TMCC1: variants seen among roughly 807,000 people sequenced by gnomAD.
TMCC1 encodes transmembrane and coiled-coil domains protein 1.
Under a neutral mutation model 52.4 loss-of-function variants are expected in TMCC1, and 15 were observed. The observed-to-expected ratio is 0.29, with a 90% CI of 0.19 to 0.44. TMCC1 has a LOEUF of 0.44. Among genes scored for constraint, TMCC1 ranks in the 20% least tolerant of loss-of-function variants. The pLI, the probability that TMCC1 is intolerant of heterozygous loss-of-function variation, is 1.00. For synonymous variants in TMCC1, 279 were observed against 301.9 expected, an observed-to-expected ratio of 0.92 and a Z score of 0.79; for missense variants, 503 against 806.0, an observed-to-expected ratio of 0.62 and a Z score of 4.55.
At chr3:129,883,757 T>C (rs1211335083) in intron 1 of TMCC1, among the ~76,000 whole-genome samples, 1 of 152,126 alleles carries the variant, frequency 6.6e-6, no homozygotes, top group African/African-American at 2.4e-5. Flanking sequence ...GAGGGATCAA[T>C]CACTTGAGGC....
At chr3:129,818,388 C>A (rs544902087) in intron 4 of TMCC1, among the ~76,000 whole-genome samples, 1 of 151,360 alleles carries the variant, frequency 6.6e-6, no homozygotes, top group African/African-American at 2.4e-5. Flanking sequence ...TTTAAATTTT[C>A]TTTAAAAGTT....
intron 1 of TMCC1, among the ~76,000 whole-genome samples, chr3:129,883,732 A>G (rs956360382): frequency 4.6e-5 from 7 of 152,296 alleles, no homozygotes; most frequent in African/African-American, 1.2e-4. Context: ...TAATCCCAAC[A>G]CTTTGGGAAG....
intron 4 of TMCC1, 78 bp downstream of exon 4, chr3:129,827,725 G>A: frequency 7.4e-6 from 11 of 1,494,094 alleles, no homozygotes; most frequent in Non-Finnish European, 9.9e-6. Context: ...TATCTTTTTA[G>A]TTACCAAAGG....
At chr3:129,815,396 A>G (rs2058047442) in intron 4 of TMCC1, among the ~76,000 whole-genome samples, 1 of 152,170 alleles carries the variant, frequency 6.6e-6, no homozygotes, top group African/African-American at 2.4e-5. Context: ...GTACTGGCAT[A>G]AAAACACACA....
chr3:129,863,339 T>C (rs2060478918), intron 2 of TMCC1, among the ~76,000 whole-genome samples: 1 of 152,232 alleles, frequency 6.6e-6, no homozygotes, highest in South Asian at 2.1e-4. Context: ...AATAAGATTT[T>C]GTTTTCTTTT....
In TMCC1 at chr3:129,686,937, GA is replaced by G. The variant is rs1433950749; in HGVS notation, c.577-15674del. Among the ~76,000 whole-genome samples the G allele has an allele frequency of 3.3e-5, 5 of 152,142 alleles. No individual in the cohort carries two copies. In the East Asian group the frequency reaches 9.6e-4, roughly 29 times the overall value. On this transcript the variant is annotated intron_variant, in intron 4 of 6. Coordinates refer to ENST00000393238, the MANE Select transcript of TMCC1 (RefSeq NM_001017395.5). ...TAATTGAGATGAAAACAGAGTTAAA[GA>G]AAGTAGCAATTCAAAAAGAGAAAAA...
intron 2 of TMCC1, among the ~76,000 whole-genome samples, chr3:129,839,497 A>G (rs886192976): frequency 6.6e-6 from 1 of 152,166 alleles, no homozygotes; most frequent in Non-Finnish European, 1.5e-5. Flanking sequence ...GCGCATGCCT[A>G]TAGTCCCAGC....
chr3:129,771,236 T>C (rs1018534055), intron 4 of TMCC1, among the ~76,000 whole-genome samples: 2 of 152,148 alleles, frequency 1.3e-5, no homozygotes, highest in African/African-American at 4.8e-5. Context: ...AAAATGATCC[T>C]GGCTTAAAGG....
chr3:129,654,984 C>T lies in TMCC1; in HGVS notation c.1631G>A (p.Arg544Gln). The T allele has an allele frequency of 1.2e-6, 2 of 1,614,024 alleles. No individual in the cohort carries two copies. Among genetic ancestry groups the T allele is most frequent in the Non-Finnish European group, 1.7e-6 (2 of 1,180,006 alleles). The change falls in exon 6 of 7, where the codon CGG (arginine) becomes CAG (glutamine). Residue 544 changes from arginine to glutamine, a missense_variant. Around this residue, in one of 7 missense-constraint regions of TMCC1, gnomAD observed 121 missense variants for 193.6 expected, o/e 0.62. Coordinates refer to ENST00000393238, the MANE Select transcript of TMCC1 (RefSeq NM_001017395.5). ...CATACTAACCTGGATGTCCCGGGCC[C>T]GTTCATAGGACTGATACGCGATTTT... is the stretch of plus-strand genomic sequence containing the variant. The part of the protein sequence containing the change: ...EEKIAYQSYE[R>Q]ARDIQEALEA...
intron 2 of TMCC1, among the ~76,000 whole-genome samples, chr3:129,859,651 TACACAC>T (rs59213877): frequency 0.07 from 10,465 of 148,682 alleles, 395 homozygotes; most frequent in Middle Eastern, 0.14. Flanking sequence ...CACACACACA[TACACAC>T]ACACACACAC....
intron 4 of TMCC1, among the ~76,000 whole-genome samples, chr3:129,801,365 T>C (rs1441184734): frequency 1.3e-5 from 2 of 152,162 alleles, no homozygotes; most frequent in African/African-American, 4.8e-5. Context: ...CACAGTACTC[T>C]ACAGTATAAA....
chr3:129,745,630 T>A (rs1275688957), intron 4 of TMCC1, among the ~76,000 whole-genome samples: 1 of 152,128 alleles, frequency 6.6e-6, no homozygotes, highest in Admixed American at 6.5e-5. Context: ...GAGAGAAGCC[T>A]TTAAATAGAC....
chr3:129,767,402 T>C (rs1005171233), intron 4 of TMCC1, among the ~76,000 whole-genome samples: 5 of 152,080 alleles, frequency 3.3e-5, no homozygotes, highest in Non-Finnish European at 7.4e-5. Flanking sequence ...GGAGACGGTA[T>C]TGCTCTGTTG....
chr3:129,659,097 T>TC (rs199628052), intron 5 of TMCC1, among the ~76,000 whole-genome samples: 185 of 145,446 alleles, frequency 1.3e-3, no homozygotes, highest in African/African-American at 3.8e-3. Flanking sequence ...TTTCTTTCTT[T>TC]TTTTTTTTTT....
intron 2 of TMCC1, among the ~76,000 whole-genome samples, chr3:129,868,019 T>C (rs528623098): frequency 2.0e-5 from 3 of 152,218 alleles, no homozygotes; most frequent in South Asian, 2.1e-4. Context: ...ATACTTCCCA[T>C]AGATGTTCTA....
chr3:129,751,664 G>A (rs145458730), intron 4 of TMCC1, among the ~76,000 whole-genome samples: 1,860 of 152,078 alleles, frequency 0.012, 29 homozygotes, highest in African/African-American at 0.043. Flanking sequence ...GTGTTCAAGT[G>A]ATTGTCCTGC....
In TMCC1 at chr3:129,673,291, A is replaced by G. The variant is rs537488163; in HGVS notation, c.577-2027T>C. 2.9e-4 allele frequency among the ~76,000 whole-genome samples: 44 copies of G among 152,272 alleles called. 1 individual carries two copies. In the South Asian group the frequency reaches 9.1e-3, roughly 32 times the overall value. ...CAAGAGTTGCAACAAGAGCTCCTGGAAATCCACTTTATTCAGTGCCCAATG... is the reference window on the plus strand; with the variant it reads ...CAAGAGTTGCAACAAGAGCTCCTGGGAATCCACTTTATTCAGTGCCCAATG... On this transcript the variant is annotated intron_variant, in intron 4 of 6. Transcript: ENST00000393238.
intron 4 of TMCC1, among the ~76,000 whole-genome samples, chr3:129,786,133 T>C (rs1194057884): frequency 1.3e-5 from 2 of 151,918 alleles, no homozygotes; most frequent in East Asian, 1.9e-4. Flanking sequence ...AGAGATGGGG[T>C]TTTGCCACGT....
intron 2 of TMCC1, among the ~76,000 whole-genome samples, chr3:129,835,027 A>G (rs1260144253): frequency 6.6e-6 from 1 of 152,140 alleles, no homozygotes; most frequent in Non-Finnish European, 1.5e-5. Flanking sequence ...TTATTCCTTT[A>G]GACCTGCTTA....
Sources: allele counts gnomAD v4.1 joint callset (sites outside exome capture counted in the v4.1 genomes callset), GRCh38; gene constraint gnomAD v4.1.1; regional missense constraint gnomAD v4.1.1; transcripts MANE v1.5; gene names NCBI Gene and HGNC (gene_info 2026-07-23, HGNC 2026-07-21).